PDE1A: variants seen among roughly 807,000 people sequenced by gnomAD.
PDE1A encodes dual specificity calcium/calmodulin-dependent 3',5'-cyclic nucleotide phosphodiesterase 1A.
A neutral mutation model predicts 61.7 loss-of-function variants in PDE1A; 35 were observed. The observed-to-expected ratio is 0.57, with a 90% CI of 0.43 to 0.75. The LOEUF (loss-of-function observed/expected upper bound fraction) is 0.75, where lower values mean the gene tolerates loss of function less well. Among genes scored for constraint, PDE1A ranks in the 30% least tolerant of loss-of-function variants. The pLI, the probability that PDE1A is intolerant of heterozygous loss-of-function variation, is 0.00. For synonymous variants in PDE1A, 232 were observed against 213.2 expected (o/e 1.09, Z -0.77); for missense variants, 597 against 630.6 (o/e 0.95, Z 0.57).
intron 1 of PDE1A, among the ~76,000 whole-genome samples, chr2:182,400,188 G>C (rs867862454): frequency 6.6e-6 from 1 of 151,838 alleles, no homozygotes; most frequent in African/African-American, 2.4e-5. Flanking sequence ...AATGTCTATT[G>C]GGTTATTTTT....
chr2:182,201,365 A>AT (rs1434953492), intron 10 of PDE1A, 74 bp downstream of exon 10: 1 of 1,545,364 alleles, frequency 6.5e-7, no homozygotes, highest in Non-Finnish European at 8.8e-7. Context: ...CCTGGATTCC[A>AT]TACAGAAAAG....
chr2:182,573,972 T>TACACAC, the PDE1A span, among the ~76,000 whole-genome samples: 20 of 142,744 alleles, frequency 1.4e-4, no homozygotes, highest in African/African-American at 4.4e-4. Flanking sequence ...TATTTTTTTA[T>TACACAC]ACACACACAC....
At chr2:182,390,068 C>G (rs1409074740) in intron 1 of PDE1A, among the ~76,000 whole-genome samples, 1 of 152,038 alleles carries the variant, frequency 6.6e-6, no homozygotes, top group Non-Finnish European at 1.5e-5. Context: ...TTGCAGAGGG[C>G]CTATTGTATG....
chr2:182,537,093 C>T, the PDE1A span, among the ~76,000 whole-genome samples: 2 of 152,210 alleles, frequency 1.3e-5, no homozygotes, highest in Non-Finnish European at 2.9e-5. Context: ...TTCCTGACCT[C>T]ACAGAAACTG....
At chr2:182,372,901 C>T (rs11903131) in intron 1 of PDE1A, among the ~76,000 whole-genome samples, 1 of 152,122 alleles carries the variant, frequency 6.6e-6, no homozygotes, top group South Asian at 2.1e-4. Context: ...CAAGGCAGCA[C>T]AGAAAACAGA....
intron 2 of PDE1A, among the ~76,000 whole-genome samples, chr2:182,491,491 G>A (rs1383627651): frequency 6.6e-6 from 1 of 152,166 alleles, no homozygotes; most frequent in Non-Finnish European, 1.5e-5. Flanking sequence ...TGTAGTTGAG[G>A]TGCTACAAGG....
chr2:182,241,787 CTGAT>C, intron 2 of PDE1A: 1 of 1,451,962 alleles, frequency 6.9e-7, no homozygotes, highest in Non-Finnish European at 9.2e-7. Flanking sequence ...AATGTTAATA[CTGAT>C]TAATACTTAC....
intron 13 of PDE1A, among the ~76,000 whole-genome samples, chr2:182,147,745 G>C (rs1690570505): frequency 6.6e-6 from 1 of 152,270 alleles, no homozygotes; most frequent in East Asian, 1.9e-4. Flanking sequence ...TTAGATGAAA[G>C]AGTCTTATTA....
chr2:182,174,253 A>C (rs1692517627), intron 13 of PDE1A, among the ~76,000 whole-genome samples: 1 of 152,106 alleles, frequency 6.6e-6, no homozygotes, highest in African/African-American at 2.4e-5. Context: ...TGTCCACAGA[A>C]TCAGAGCTTG....
chr2:182,634,338 C>G, the PDE1A span, among the ~76,000 whole-genome samples: 2 of 152,022 alleles, frequency 1.3e-5, no homozygotes, highest in African/African-American at 2.4e-5. Context: ...GTGAACCACA[C>G]GTAATGCAGT....
At chr2:182,500,793 G>A (rs1334489266) in intron 2 of PDE1A, among the ~76,000 whole-genome samples, 1 of 152,166 alleles carries the variant, frequency 6.6e-6, no homozygotes, top group African/African-American at 2.4e-5. Context: ...TCTTACAACT[G>A]TTTAACATTG....
the PDE1A span, among the ~76,000 whole-genome samples, chr2:182,666,023 GCATGGACA>G: frequency 2.6e-5 from 4 of 152,050 alleles, no homozygotes; most frequent in Non-Finnish European, 5.9e-5. Context: ...CAATAAGAAC[GCATGGACA>G]CAGGGAGGTG....
At chr2:182,427,379 G>A (rs1319615406), upstream of PDE1A, among the ~76,000 whole-genome samples, 1 of 152,076 alleles carries the variant, frequency 6.6e-6, no homozygotes, top group Non-Finnish European at 1.5e-5. Flanking sequence ...GCTGACCAGA[G>A]CTACAAAAGT....
intron 1 of PDE1A, among the ~76,000 whole-genome samples, chr2:182,328,616 A>C (rs780085795): frequency 6.6e-6 from 1 of 152,182 alleles, no homozygotes; most frequent in East Asian, 1.9e-4. Flanking sequence ...GGAGACTGAG[A>C]TGCTAGAACC....
chr2:182,489,747 G>A (rs1181350227), intron 2 of PDE1A, among the ~76,000 whole-genome samples: 1 of 152,178 alleles, frequency 6.6e-6, no homozygotes, highest in Non-Finnish European at 1.5e-5. Context: ...AAGGACAAAA[G>A]GGGAAAATTG....
the PDE1A span, among the ~76,000 whole-genome samples, chr2:182,565,835 T>C: frequency 1.3e-5 from 2 of 152,206 alleles, no homozygotes; most frequent in African/African-American, 2.4e-5. Flanking sequence ...CCTTAGTTTT[T>C]TTCCCAGGTT....
chr2:182,344,332 G>A (rs909073549), intron 1 of PDE1A, among the ~76,000 whole-genome samples: 1 of 152,066 alleles, frequency 6.6e-6, no homozygotes, highest in East Asian at 1.9e-4. Flanking sequence ...ATTTTAAAAT[G>A]AAAACTCAGG....
At chr2:182,468,889 T>C (rs1161333532) in intron 2 of PDE1A, among the ~76,000 whole-genome samples, 2 of 152,034 alleles carry the variant, frequency 1.3e-5, no homozygotes, top group Non-Finnish European at 2.9e-5. Flanking sequence ...GCATTGTTAA[T>C]GAGCAGTAAT....
At chr2:182,290,498 C>T (rs1016473652) in intron 1 of PDE1A, among the ~76,000 whole-genome samples, 1 of 151,846 alleles carries the variant, frequency 6.6e-6, no homozygotes, top group Non-Finnish European at 1.5e-5. Context: ...AATCTTAAAA[C>T]ATGAAAAAAC....
Sources: allele counts gnomAD v4.1 joint callset (sites outside exome capture counted in the v4.1 genomes callset), GRCh38; gene constraint gnomAD v4.1.1; transcripts MANE v1.5; gene names NCBI Gene and HGNC (gene_info 2026-07-23, HGNC 2026-07-21).